Variants in CHN2 observed in about 807,000 individuals in gnomAD.
CHN2 encodes the protein chimerin 2, also known as beta-chimaerin.
A neutral mutation model predicts 56.3 loss-of-function variants in CHN2; 35 were observed. The observed-to-expected ratio is 0.62, with a 90% CI of 0.47 to 0.82. The LOEUF is 0.82. Ranked by LOEUF, CHN2 falls within the 40% of genes least tolerant of loss-of-function variation. CHN2 has a pLI of 0.00. For synonymous variants in CHN2, 210 were observed against 212.8 expected (o/e 0.99, Z 0.12); for missense variants, 491 against 580.5 (o/e 0.85, Z 1.58).
chr7:29,313,034 A>G (rs575387764), intron 1 of CHN2, among the ~76,000 whole-genome samples: 12 of 152,124 alleles, frequency 7.9e-5, no homozygotes, highest in African/African-American at 2.2e-4. Context: ...CATACAACTC[A>G]TATTTCCAGA....
chr7:29,435,817 C>CCAG (rs1451726140), intron 6 of CHN2, among the ~76,000 whole-genome samples: 1 of 151,576 alleles, frequency 6.6e-6, no homozygotes, highest in Non-Finnish European at 1.5e-5. Flanking sequence ...GATAAAACTG[C>CCAG]CAGCAGCAGC....
intron 1 of CHN2, among the ~76,000 whole-genome samples, chr7:29,323,139 G>A (rs1313385757): frequency 2.6e-5 from 4 of 151,760 alleles, no homozygotes; most frequent in Non-Finnish European, 5.9e-5. Flanking sequence ...TGGCCAGAGA[G>A]TGAGAATCCG....
At chr7:29,343,393 C>A (rs1252645447) in intron 1 of CHN2, among the ~76,000 whole-genome samples, 1 of 152,144 alleles carries the variant, frequency 6.6e-6, no homozygotes, top group Non-Finnish European at 1.5e-5. Flanking sequence ...TTTCCCTCAA[C>A]CCCTTGTCTC....
intron 6 of CHN2, among the ~76,000 whole-genome samples, chr7:29,428,838 G>A (rs958117240): frequency 6.6e-6 from 1 of 152,260 alleles, no homozygotes; most frequent in South Asian, 2.1e-4. Flanking sequence ...ACCCACAGAA[G>A]CAAAAGCTTT....
intron 1 of CHN2, among the ~76,000 whole-genome samples, chr7:29,293,159 T>C (rs917078845): frequency 1.3e-5 from 2 of 152,184 alleles, no homozygotes; most frequent in African/African-American, 2.4e-5. Context: ...CCTTCCCTGC[T>C]GTTTCTGAAG....
intron 6 of CHN2, among the ~76,000 whole-genome samples, chr7:29,438,552 T>C (rs1318933436): frequency 6.6e-6 from 1 of 152,242 alleles, no homozygotes; most frequent in Non-Finnish European, 1.5e-5. Flanking sequence ...ATGAACATCC[T>C]TGTAGCTAAA....
At chr7:29,460,754 G>A (rs1785105781) in intron 6 of CHN2, among the ~76,000 whole-genome samples, 1 of 152,248 alleles carries the variant, frequency 6.6e-6, no homozygotes, top group Non-Finnish European at 1.5e-5. Flanking sequence ...ATGGCTGCTA[G>A]TGGAGGGAAC....
At chr7:29,288,331 C>G (rs1792319917) in intron 1 of CHN2, among the ~76,000 whole-genome samples, 1 of 151,976 alleles carries the variant, frequency 6.6e-6, no homozygotes, top group Non-Finnish European at 1.5e-5. Flanking sequence ...TGTGTAAGAG[C>G]TTTCTTAAGC....
intron 1 of CHN2, chr7:29,212,352 G>A (rs1005234303): frequency 2.0e-5 from 30 of 1,528,978 alleles, no homozygotes; most frequent in East Asian, 9.0e-5. Context: ...CGAAGCATCC[G>A]ACTGTAAAGA....
At chr7:29,436,529 G>T (rs1029976378) in intron 6 of CHN2, among the ~76,000 whole-genome samples, 36 of 152,204 alleles carry the variant, frequency 2.4e-4, no homozygotes, top group African/African-American at 8.2e-4. Flanking sequence ...GTTGTCCCCA[G>T]CTTGGCTATG....
upstream of CHN2, chr7:29,194,753 C>A (rs1164342636): frequency 1.3e-5 from 6 of 453,268 alleles, no homozygotes; most frequent in African/African-American, 2.1e-5. Context: ...AAATAAATAG[C>A]GGCGGCGGCA....
intron 6 of CHN2, among the ~76,000 whole-genome samples, chr7:29,405,380 C>T (rs576515486): frequency 2.0e-5 from 3 of 152,128 alleles, no homozygotes; most frequent in Non-Finnish European, 4.4e-5. Context: ...TAGCACAGGG[C>T]GCACATCATT....
chr7:29,183,749 T>C (rs1305929463), intron 2 of CHN2, among the ~76,000 whole-genome samples: 2 of 152,142 alleles, frequency 1.3e-5, no homozygotes, highest in Non-Finnish European at 2.9e-5. Flanking sequence ...ATATAGAAGA[T>C]ATATGTATAG....
chr7:29,210,403 TAC>T (rs1009636047), intron 1 of CHN2, among the ~76,000 whole-genome samples: 5 of 151,796 alleles, frequency 3.3e-5, no homozygotes, highest in African/African-American at 9.7e-5. Context: ...ACCCAGCACG[TAC>T]ACACACAGGC....
intron 6 of CHN2, chr7:29,479,962 CT>C: frequency 6.9e-7 from 1 of 1,453,182 alleles, no homozygotes. Context: ...CAAACTGGGC[CT>C]TTCAGGTCAC....
intron 3 of CHN2, among the ~76,000 whole-genome samples, chr7:29,387,317 C>G (rs575008978): frequency 1.3e-5 from 2 of 152,258 alleles, no homozygotes; most frequent in African/African-American, 4.8e-5. Flanking sequence ...AAATGAGATG[C>G]AAAGGAGTGT....
At chr7:29,420,260 C>T (rs1804200700) in intron 6 of CHN2, among the ~76,000 whole-genome samples, 1 of 152,132 alleles carries the variant, frequency 6.6e-6, no homozygotes, top group African/African-American at 2.4e-5. Context: ...TCTAACAATT[C>T]CACTTCTGGG....
At chr7:29,201,251 C>G (rs906313007) in intron 1 of CHN2, among the ~76,000 whole-genome samples, 6 of 152,228 alleles carry the variant, frequency 3.9e-5, no homozygotes, top group South Asian at 4.2e-4. Context: ...AAAATCAGAG[C>G]CCAAGGAACT....
intron 1 of CHN2, among the ~76,000 whole-genome samples, chr7:29,328,001 G>T (rs1421695314): frequency 2.0e-5 from 3 of 152,148 alleles, no homozygotes; most frequent in Admixed American, 2.0e-4. Context: ...GTCAGACATG[G>T]ATTCTATAGA....
Sources: gnomAD v4.1 joint callset for allele counts (sites outside exome capture counted in the v4.1 genomes callset) on GRCh38, gnomAD v4.1.1 for gene constraint, MANE v1.5 for transcripts, NCBI Gene and HGNC (gene_info 2026-07-23, HGNC 2026-07-21) for gene names.